The following FREM1 variants were observed in gnomAD, a reference collection of about 807,000 sequenced individuals.
FREM1 encodes FRAS1-related extracellular matrix protein 1.
Under a neutral mutation model 210.1 loss-of-function variants are expected in FREM1, and 220 were observed. The observed-to-expected ratio is 1.05, with a 90% CI of 0.94 to 1.17. The LOEUF (loss-of-function observed/expected upper bound fraction) is 1.17, where lower values mean the gene tolerates loss of function less well. FREM1 is among the 50% of genes most tolerant of loss of function. The probability of loss-of-function intolerance (pLI) is 0.00; values close to 1 mark genes in which losing one functional copy is unlikely to be tolerated. For synonymous variants in FREM1, 1,189 were observed against 980.2 expected (o/e 1.21, Z -3.98); for missense variants, 3,454 against 2,675.5 (o/e 1.29, Z -6.42).
chr9:14,894,910 C>T (rs567758418), intron 1 of FREM1, among the ~76,000 whole-genome samples: 17 of 152,294 alleles, frequency 1.1e-4, no homozygotes, highest in East Asian at 3.9e-4. Flanking sequence ...TGGAATGGTG[C>T]GCTTTCCTTT....
intron 24 of FREM1, among the ~76,000 whole-genome samples, chr9:14,777,155 T>C (rs1848746931): frequency 6.6e-6 from 1 of 152,188 alleles, no homozygotes; most frequent in Non-Finnish European, 1.5e-5. Context: ...AAAGCTGAAA[T>C]GATACACATT....
In FREM1 at chr9:14,770,569, T is replaced by A. The variant is rs1296190791; in HGVS notation, c.5059+36A>T. 2.0e-6 allele frequency: 3 copies of A among 1,534,456 alleles called. No homozygotes were observed. In the South Asian group the frequency reaches 3.4e-5, roughly 17 times the overall value. On this transcript the variant is annotated intron_variant, in intron 26 of 36. Transcript: ENST00000380880. ...TAGCCCTGCCAGCCACTGGGTATTT[T>A]AAAATGGCAATTGTAAGGATTAAGG... is the stretch of plus-strand genomic sequence containing the variant.
intron 10 of FREM1, among the ~76,000 whole-genome samples, chr9:14,832,454 G>C (rs118115258): frequency 0.018 from 2,713 of 152,260 alleles, 59 homozygotes; most frequent in East Asian, 0.065. Context: ...GGCCAAAAGG[G>C]AAGAGAAAAA....
At chr9:14,770,554 AGCCACT>A (rs2132495260) in intron 26 of FREM1, 45 bp downstream of exon 26, 1 of 1,387,246 alleles carries the variant, frequency 7.2e-7, no homozygotes, top group Admixed American at 1.7e-5. Context: ...TAGCCCTGCC[AGCCACT>A]GGGTATTTTA....
chr9:14,895,555 A>C (rs1837558648), intron 1 of FREM1, among the ~76,000 whole-genome samples: 1 of 152,144 alleles, frequency 6.6e-6, no homozygotes, highest in Admixed American at 6.6e-5. Context: ...GCTTGGTTCC[A>C]ACAGTTGCCC....
At chr9:14,782,057 G>T (rs139362981) in intron 24 of FREM1, among the ~76,000 whole-genome samples, 8 of 152,282 alleles carry the variant, frequency 5.3e-5, no homozygotes, top group African/African-American at 1.9e-4. Flanking sequence ...CAACAGACTA[G>T]ACCAGACTAT....
At chr9:14,785,176 GC>G (rs1323703346) in intron 23 of FREM1, among the ~76,000 whole-genome samples, 1 of 152,174 alleles carries the variant, frequency 6.6e-6, no homozygotes, top group Admixed American at 6.5e-5. Flanking sequence ...AGCATTACAT[GC>G]AACCCAAATG....
At chr9:14,749,100 C>T (rs1842920990) in intron 30 of FREM1, among the ~76,000 whole-genome samples, 1 of 152,140 alleles carries the variant, frequency 6.6e-6, no homozygotes, top group Admixed American at 6.5e-5. Flanking sequence ...CTCTTAGTTG[C>T]TGTAGAACAA....
At chr9:14,746,495 T>C in intron 34 of FREM1, 27 bp from the exon 35 acceptor site, 4 of 1,549,660 alleles carry the variant, frequency 2.6e-6, no homozygotes, top group Non-Finnish European at 2.7e-6. Flanking sequence ...TGTGTTCATA[T>C]CATAATGGTC....
At chr9:14,807,062 T>A (rs1258931975) in intron 17 of FREM1, among the ~76,000 whole-genome samples, 1 of 152,190 alleles carries the variant, frequency 6.6e-6, no homozygotes, top group Non-Finnish European at 1.5e-5. Flanking sequence ...GGAATTATAT[T>A]TTTTTCTTGT....
chr9:14,865,242 T>A (rs1831290911), intron 2 of FREM1, among the ~76,000 whole-genome samples: 1 of 152,144 alleles, frequency 6.6e-6, no homozygotes, highest in Non-Finnish European at 1.5e-5. Flanking sequence ...AAAAAGCAAG[T>A]TTAGTGCTAA....
At chr9:14,880,561 G>A (rs1834606648) in intron 1 of FREM1, among the ~76,000 whole-genome samples, 1 of 145,732 alleles carries the variant, frequency 6.9e-6, no homozygotes, top group Non-Finnish European at 1.5e-5. Context: ...CCGAGATCGT[G>A]CCACTGCACT....
In FREM1 at chr9:14,806,748, C is replaced by A; in HGVS notation, c.3187G>T (p.Val1063Phe). The stretch of plus-strand genomic sequence containing the variant: ...CCAAACTGAGGAGGAGAAACCAAAA[C>A]AAATTCCAAGTCATCTGCTGCAGTG... ...PDTAADDLEFVLVSPPQFGYL... is the reference protein window; with the variant it reads ...PDTAADDLEFFLVSPPQFGYL... Residue 1063 changes from valine (V) to phenylalanine (F), a missense_variant, in exon 18 of 37, where the codon GTT becomes TTT. By Grantham distance (50) the Val-to-Phe change is conservative. Transcript: ENST00000380880. 6.2e-7 allele frequency: 1 copy of A among 1,605,660 alleles called. No individual in the cohort carries two copies.
intron 1 of FREM1, among the ~76,000 whole-genome samples, chr9:14,877,857 G>C (rs1256359493): frequency 1.3e-5 from 2 of 152,164 alleles, no homozygotes; most frequent in African/African-American, 4.8e-5. Context: ...GAAATTGTGA[G>C]ATAAATTTGT....
At chr9:14,786,024 T>C (rs187170576) in intron 23 of FREM1, among the ~76,000 whole-genome samples, 1 of 152,312 alleles carries the variant, frequency 6.6e-6, no homozygotes, top group African/African-American at 2.4e-5. Flanking sequence ...TAATTGAATT[T>C]TGTTCACCTG....
chr9:14,887,077 A>T (rs1835947600), intron 1 of FREM1, among the ~76,000 whole-genome samples: 1 of 152,188 alleles, frequency 6.6e-6, no homozygotes, highest in South Asian at 2.1e-4. Context: ...ATTGCATCCA[A>T]ATCACATGTG....
chr9:14,824,900 C>T lies in FREM1; in HGVS notation c.1974G>A (p.Val658=), dbSNP rs1001470124. The change falls in exon 11 of 37, where the codon GTG becomes GTA. Residue 658 remains valine, a synonymous_variant. Coordinates refer to ENST00000380880, the MANE Select transcript of FREM1 (RefSeq NM_001379081.2). Reference sequence around the variant, plus strand: ...GTAGCTGTTTCTTAGTTATATAGGCCACCTCAGTTTCCTTGACAACCAAAT... The same window carrying T: ...GTAGCTGTTTCTTAGTTATATAGGCTACCTCAGTTTCCTTGACAACCAAAT... ...SRHLVVKETE[V]AYITKKQLHF... 6.2e-7 allele frequency: 1 copy of T among 1,612,192 alleles called. No homozygotes were observed. Among genetic ancestry groups the T allele is most frequent in the Non-Finnish European group, 8.5e-7 (1 of 1,179,256 alleles).
rs1165089221 is a variant in FREM1 at position 14,797,589 on chromosome 9, T to C, written c.3748A>G (p.Thr1250Ala). Reference protein sequence around the residue: ...DDSESLADDFTIQLSDGKHKI... With the variant: ...DDSESLADDFAIQLSDGKHKI... ...TGTTTCCCATCTGACAATTGGATTG[T>C]AAAATCATCAGCAAGGCTCTCTGAG... Residue 1250 changes from threonine (T) to alanine (A), a missense_variant, in exon 21 of 37, where the codon ACA (threonine) becomes GCA (alanine). Transcript: ENST00000380880. 1.2e-6 allele frequency: 2 copies of C among 1,612,384 alleles called. No individual in the cohort carries two copies. Among genetic ancestry groups the C allele is most frequent in the Non-Finnish European group, 1.7e-6 (2 of 1,178,780 alleles).
intron 1 of FREM1, among the ~76,000 whole-genome samples, chr9:14,901,877 G>A (rs375107474): frequency 3.5e-4 from 53 of 152,156 alleles, no homozygotes; most frequent in African/African-American, 1.2e-3. Flanking sequence ...TAAGAGATGG[G>A]GTCTCACGCT....
Sources: allele counts gnomAD v4.1 joint callset (sites outside exome capture counted in the v4.1 genomes callset), GRCh38; gene constraint gnomAD v4.1.1; transcripts MANE v1.5; gene names NCBI Gene and HGNC (gene_info 2026-07-23, HGNC 2026-07-21).